Variants in SIPA1L1 observed in about 807,000 individuals in gnomAD.
SIPA1L1 encodes signal induced proliferation associated 1 like 1.
SIPA1L1 carries 26 observed loss-of-function variants against 162.7 expected under a neutral mutation model. The ratio of observed to expected loss-of-function variants is 0.16; its 90% CI spans 0.12 to 0.22. The LOEUF is 0.22. SIPA1L1 is among the 10% of genes least tolerant of loss of function. The pLI, the probability that SIPA1L1 is intolerant of heterozygous loss-of-function variation, is 1.00. For missense variants in SIPA1L1, 1,874 were observed against 2,241.0 expected (o/e 0.84, Z 3.31); for synonymous variants, 829 against 837.4 (o/e 0.99, Z 0.17).
chr14:71,643,846 C>T (rs896020664), intron 7 of SIPA1L1, among the ~76,000 whole-genome samples: 2 of 152,162 alleles, frequency 1.3e-5, no homozygotes, highest in African/African-American at 4.8e-5. Flanking sequence ...CTCACTCTGT[C>T]GCCCAGGCTG....
At chr14:71,526,444 T>C (rs1050757926) in intron 3 of SIPA1L1, among the ~76,000 whole-genome samples, 9 of 152,244 alleles carry the variant, frequency 5.9e-5, no homozygotes, top group Non-Finnish European at 1.0e-4. Flanking sequence ...TCATACAGTA[T>C]ATTCTTTCAT....
In SIPA1L1 at chr14:71,351,082, T is replaced by G. The variant is rs556870381; in HGVS notation, c.-465+29901T>G. Among the ~76,000 whole-genome samples the G allele has an allele frequency of 3.3e-5, 5 of 152,360 alleles. No individual in the cohort carries two copies. In the South Asian group the frequency reaches 1.0e-3, roughly 32 times the overall value. ...GGTAGTTGACAAATTACTTTTCAAG[T>G]TTAAAATATGCCTTTATAAAATTTC... On this transcript the variant is annotated intron_variant, in intron 2 of 23. Transcript: ENST00000381232.
intron 12 of SIPA1L1, among the ~76,000 whole-genome samples, chr14:71,678,070 A>G (rs1276836376): frequency 1.3e-5 from 2 of 152,180 alleles, no homozygotes; most frequent in Non-Finnish European, 2.9e-5. Flanking sequence ...TAAATATACA[A>G]TCATGTCATC....
intron 1 of SIPA1L1, among the ~76,000 whole-genome samples, chr14:71,320,913 G>C (rs943784143): frequency 6.6e-6 from 1 of 151,812 alleles, no homozygotes; most frequent in Non-Finnish European, 1.5e-5. Context: ...TCCTCCGGGA[G>C]CTCGGCCCCC....
chr14:71,509,386 C>T (rs1292360513), intron 2 of SIPA1L1, among the ~76,000 whole-genome samples: 3 of 152,180 alleles, frequency 2.0e-5, no homozygotes, highest in Non-Finnish European at 4.4e-5. Context: ...CATACGTCTA[C>T]AAATTTGGAG....
intron 12 of SIPA1L1, among the ~76,000 whole-genome samples, chr14:71,679,501 T>C (rs1369048440): frequency 1.3e-5 from 2 of 152,198 alleles, no homozygotes; most frequent in Non-Finnish European, 2.9e-5. Context: ...TACAGACCAT[T>C]GATGCTAGGA....
At chr14:71,387,218 A>G (rs1188770133) in intron 2 of SIPA1L1, among the ~76,000 whole-genome samples, 1 of 135,120 alleles carries the variant, frequency 7.4e-6, no homozygotes, top group African/African-American at 2.7e-5. Flanking sequence ...ATTGCACTCC[A>G]GCCTGGGCAA....
chr14:71,541,737 C>G (rs2054401395), intron 4 of SIPA1L1, among the ~76,000 whole-genome samples: 1 of 152,090 alleles, frequency 6.6e-6, no homozygotes, highest in Non-Finnish European at 1.5e-5. Flanking sequence ...TATGCTACTG[C>G]ATTCCAGCCT....
At chr14:71,383,500 G>GTTTATTTT (rs2040074047) in intron 2 of SIPA1L1, among the ~76,000 whole-genome samples, 1 of 152,146 alleles carries the variant, frequency 6.6e-6, no homozygotes, top group African/African-American at 2.4e-5. Context: ...CTTTTTCACT[G>GTTTATTTT]TGTTAGTTTA....
At chr14:71,651,057 G>T (rs1016024956) in intron 8 of SIPA1L1, among the ~76,000 whole-genome samples, 1 of 152,110 alleles carries the variant, frequency 6.6e-6, no homozygotes. Context: ...AAAATGTGTT[G>T]ATTAAAAGCA....
chr14:71,641,518 C>G (rs1230632782), intron 7 of SIPA1L1, among the ~76,000 whole-genome samples: 1 of 152,052 alleles, frequency 6.6e-6, no homozygotes, highest in East Asian at 1.9e-4. Context: ...GTCAGGAGAT[C>G]GAGACCATCC....
At chr14:71,423,714 C>T (rs1009353810) in intron 2 of SIPA1L1, among the ~76,000 whole-genome samples, 8 of 152,090 alleles carry the variant, frequency 5.3e-5, no homozygotes, top group Admixed American at 1.3e-4. Context: ...ATTACCATAG[C>T]GTTGTAGTAA....
intron 7 of SIPA1L1, among the ~76,000 whole-genome samples, chr14:71,629,939 C>T (rs2040404750): frequency 6.6e-6 from 1 of 152,188 alleles, no homozygotes; most frequent in South Asian, 2.1e-4. Flanking sequence ...CTGCTGACTT[C>T]GCCTATTCAT....
chr14:71,457,856 C>CA (rs1399389059), intron 2 of SIPA1L1, among the ~76,000 whole-genome samples: 1 of 152,142 alleles, frequency 6.6e-6, no homozygotes, highest in African/African-American at 2.4e-5. Flanking sequence ...CTCAGCCTCC[C>CA]AAAGTGCTGG....
At chr14:71,500,273 A>G (rs1230860450) in intron 2 of SIPA1L1, among the ~76,000 whole-genome samples, 2 of 152,204 alleles carry the variant, frequency 1.3e-5, no homozygotes, top group Non-Finnish European at 2.9e-5. Flanking sequence ...ATAAAGAGCT[A>G]CAAATCAATA....
In SIPA1L1 at chr14:71,468,615, C is replaced by G. The variant is rs373303535; in HGVS notation, c.-464-44128C>G. Among the ~76,000 whole-genome samples the G allele has an allele frequency of 2.6e-4, 40 of 152,324 alleles. No individual in the cohort carries two copies. In the South Asian group the frequency reaches 8.1e-3, roughly 31 times the overall value. On this transcript the variant is annotated intron_variant, in intron 2 of 23. Transcript: ENST00000381232. ...AAACACCTCCCACCAGGCCCCACCT[C>G]TTAACACTAGGCTGGAGTACTTGCT...
At chr14:71,443,928 T>G (rs1423850526) in intron 2 of SIPA1L1, among the ~76,000 whole-genome samples, 1 of 152,228 alleles carries the variant, frequency 6.6e-6, no homozygotes, top group African/African-American at 2.4e-5. Context: ...AGTACATTCC[T>G]TGGCACCTGC....
intron 5 of SIPA1L1, among the ~76,000 whole-genome samples, chr14:71,602,021 T>G (rs2036829595): frequency 6.6e-6 from 1 of 152,068 alleles, no homozygotes; most frequent in Non-Finnish European, 1.5e-5. Context: ...CAACTTTTTA[T>G]TTTGTAGATT....
intron 17 of SIPA1L1, among the ~76,000 whole-genome samples, chr14:71,710,501 T>C (rs1467264784): frequency 6.6e-6 from 1 of 152,170 alleles, no homozygotes; most frequent in East Asian, 1.9e-4. Flanking sequence ...TCTGCTATGA[T>C]TATGACCGCA....
Sources: allele counts gnomAD v4.1 joint callset (sites outside exome capture counted in the v4.1 genomes callset), GRCh38; gene constraint gnomAD v4.1.1; transcripts MANE v1.5; gene names NCBI Gene and HGNC (gene_info 2026-07-23, HGNC 2026-07-21).